ADAMTSL1: variants seen among roughly 807,000 people sequenced by gnomAD.
The protein encoded by ADAMTSL1 is ADAMTS like 1, also known as ADAMTS-like protein 1.
A neutral mutation model predicts 201.8 loss-of-function variants in ADAMTSL1; 126 were observed. That is an observed-to-expected ratio of 0.62 (90% confidence interval 0.54 to 0.72). ADAMTSL1 has a LOEUF of 0.72. ADAMTSL1 is among the 30% of genes least tolerant of loss of function. ADAMTSL1 has a pLI of 0.00. For missense variants in ADAMTSL1, 2,679 were observed against 2,277.8 expected (o/e 1.18, Z -3.59); for synonymous variants, 1,121 against 903.4 (o/e 1.24, Z -4.32).
At chr9:18,058,082 T>G (rs1008149218) in intron 1 of ADAMTSL1, among the ~76,000 whole-genome samples, 8 of 152,208 alleles carry the variant, frequency 5.3e-5, no homozygotes, top group African/African-American at 1.9e-4. Context: ...AAATATTTGC[T>G]AGCCAGATAG....
At chr9:18,895,347 A>G (rs1829556046) in intron 26 of ADAMTSL1, among the ~76,000 whole-genome samples, 2 of 152,238 alleles carry the variant, frequency 1.3e-5, no homozygotes, top group African/African-American at 4.8e-5. Context: ...TTCTACAGCA[A>G]CCAAGCAAAC....
Position 18,139,381 on chromosome 9 carries a change from A to G in ADAMTSL1, c.88-24481A>G, listed in dbSNP as rs115279017. On this transcript the variant is annotated intron_variant, in intron 1 of 29. Transcript: ENST00000680146. ...GACATTACTTGTCAGCAGATTTAAC[A>G]GCAACAAGAGTGTCTTCATTTGTGA... Among the ~76,000 whole-genome samples the G allele has an allele frequency of 2.5e-3, 377 of 152,276 alleles. 1 individual carries two copies. Among genetic ancestry groups the G allele is most frequent in the African/African-American group, 8.6e-3 (357 of 41,562 alleles).
At chr9:18,837,024 T>C (rs1825352704) in intron 23 of ADAMTSL1, among the ~76,000 whole-genome samples, 1 of 152,190 alleles carries the variant, frequency 6.6e-6, no homozygotes, top group Admixed American at 6.5e-5. Flanking sequence ...TTTAGGGTTT[T>C]CTAGATGTAT....
At position 18,753,441 on chromosome 9, in the gene ADAMTSL1, C is replaced by T. The variant is rs1424190642; in HGVS notation, c.2150C>T (p.Pro717Leu). 1.3e-5 allele frequency: 21 copies of T among 1,613,598 alleles called. No homozygotes were observed. Among genetic ancestry groups the T allele is most frequent in the Non-Finnish European group, 1.7e-5 (20 of 1,179,818 alleles). Residue 717 changes from proline to leucine, a missense_variant, in exon 16 of 29, where the codon CCC (proline) becomes CTC (leucine). Transcript: ENST00000380548. ...LADELCRQPK[P>L]STVQACNRFN... ...GATGAGCTGTGTCGCCAGCCCAAGCCCAGCACGGTGCAAGCTTGTAACCGC... is the reference window on the plus strand; with the variant it reads ...GATGAGCTGTGTCGCCAGCCCAAGCTCAGCACGGTGCAAGCTTGTAACCGC...
At chr9:18,097,922 T>G (rs920032058) in intron 1 of ADAMTSL1, among the ~76,000 whole-genome samples, 8 of 152,114 alleles carry the variant, frequency 5.3e-5, no homozygotes, top group Non-Finnish European at 7.4e-5. Flanking sequence ...ATGGTGAGGA[T>G]TTTTTCCTAT....
chr9:18,099,519 T>G (rs1160914296), intron 1 of ADAMTSL1, among the ~76,000 whole-genome samples: 1 of 150,834 alleles, frequency 6.6e-6, no homozygotes, highest in African/African-American at 2.4e-5. Context: ...TCTGTTTCTT[T>G]GTATTTGTTT....
chr9:18,498,075 C>T (rs1408826586), intron 1 of ADAMTSL1, among the ~76,000 whole-genome samples: 1 of 151,752 alleles, frequency 6.6e-6, no homozygotes, highest in African/African-American at 2.4e-5. Context: ...ATACAAAATT[C>T]ACATACTGAT....
chr9:18,067,849 G>T (rs1405857387), intron 1 of ADAMTSL1, among the ~76,000 whole-genome samples: 1 of 152,130 alleles, frequency 6.6e-6, no homozygotes, highest in Non-Finnish European at 1.5e-5. Context: ...TGTTATTGAA[G>T]CATAAGAGGG....
intron 2 of ADAMTSL1, among the ~76,000 whole-genome samples, chr9:18,185,728 C>A (rs1000781969): frequency 2.6e-5 from 4 of 152,012 alleles, no homozygotes; most frequent in African/African-American, 9.7e-5. Flanking sequence ...CTTTATACAT[C>A]AGTATAATCT....
intron 2 of ADAMTSL1, among the ~76,000 whole-genome samples, chr9:18,223,486 A>G (rs1830336962): frequency 6.6e-6 from 1 of 152,078 alleles, no homozygotes; most frequent in Middle Eastern, 3.4e-3. Flanking sequence ...TTGGTTTAAT[A>G]TGCATTTATC....
intron 23 of ADAMTSL1, among the ~76,000 whole-genome samples, chr9:18,869,279 T>C (rs931215091): frequency 6.6e-6 from 1 of 152,220 alleles, no homozygotes; most frequent in African/African-American, 2.4e-5. Flanking sequence ...TAAATTCATC[T>C]TATACAAGCC....
At chr9:18,835,872 T>C (rs955943030) in intron 23 of ADAMTSL1, among the ~76,000 whole-genome samples, 1 of 152,204 alleles carries the variant, frequency 6.6e-6, no homozygotes, top group African/African-American at 2.4e-5. Context: ...TCCTATGGTA[T>C]ATATGTACCA....
intron 1 of ADAMTSL1, among the ~76,000 whole-genome samples, chr9:17,978,991 T>C (rs1188144004): frequency 1.3e-5 from 2 of 151,872 alleles, no homozygotes; most frequent in African/African-American, 4.8e-5. Context: ...ATTTTTCATG[T>C]GTCACTGCAC....
chr9:18,443,842 C>T (rs1401330216), intron 2 of ADAMTSL1, among the ~76,000 whole-genome samples: 1 of 152,154 alleles, frequency 6.6e-6, no homozygotes, highest in Non-Finnish European at 1.5e-5. Flanking sequence ...ATATTGTCAA[C>T]ATGCATTTGA....
At chr9:18,459,226 T>C (rs1184921299) in intron 2 of ADAMTSL1, among the ~76,000 whole-genome samples, 4 of 152,236 alleles carry the variant, frequency 2.6e-5, no homozygotes, top group Non-Finnish European at 2.9e-5. Flanking sequence ...AAGCAGCTTA[T>C]GTTATAGTGA....
Position 18,639,254 on chromosome 9 carries a change from A to C in ADAMTSL1, c.677A>C (p.Tyr226Ser). The change falls in exon 7 of 29, where the codon TAT becomes TCT. Residue 226 changes from tyrosine (Y) to serine (S), a missense_variant and splice_region_variant. Transcript: ENST00000380548. ...CATCTTCACGTGTTTGATCATATAG[A>C]TCTGGAAACCAAAACCCTCCAGGGG... The part of the protein sequence containing the change: ...RLVLKGPDHL[Y>S]LETKTLQGTK... 3 of 1,612,540 alleles carry C rather than the reference A, an allele frequency of 1.9e-6. No individual in the cohort carries two copies. The highest frequency in any genetic ancestry group is 2.5e-6 in the Non-Finnish European group (3 of 1,179,016).
At chr9:18,314,892 G>A (rs2132816447) in intron 2 of ADAMTSL1, among the ~76,000 whole-genome samples, 1 of 140,346 alleles carries the variant, frequency 7.1e-6, no homozygotes, top group South Asian at 2.4e-4. Flanking sequence ...CGCCTCCCGG[G>A]TTCACGCCAT....
intron 1 of ADAMTSL1, among the ~76,000 whole-genome samples, chr9:17,949,754 T>C (rs2131370353): frequency 6.6e-6 from 1 of 152,286 alleles, no homozygotes; most frequent in East Asian, 1.9e-4. Flanking sequence ...CACAGCAACA[T>C]GTGCAACTAA....
chr9:18,541,222 G>T (rs1820122798), intron 3 of ADAMTSL1, among the ~76,000 whole-genome samples: 1 of 152,184 alleles, frequency 6.6e-6, no homozygotes. Context: ...CTATTACGAT[G>T]TATGAGTGGC....
Sources: allele counts gnomAD v4.1 joint callset (sites outside exome capture counted in the v4.1 genomes callset), GRCh38; gene constraint gnomAD v4.1.1; transcripts MANE v1.5; gene names NCBI Gene and HGNC (gene_info 2026-07-23, HGNC 2026-07-21).